Variants in KCNH5 observed in about 807,000 individuals in gnomAD.
KCNH5 encodes voltage-gated delayed rectifier potassium channel KCNH5.
Under a neutral mutation model 96.1 loss-of-function variants are expected in KCNH5, and 46 were observed. The ratio of observed to expected loss-of-function variants is 0.48; its 90% CI spans 0.38 to 0.61. The LOEUF (loss-of-function observed/expected upper bound fraction) is 0.61. Among genes scored for constraint, KCNH5 ranks in the 20% least tolerant of loss-of-function variants. The pLI, the probability that KCNH5 is intolerant of heterozygous loss-of-function variation, is 0.00. For synonymous variants in KCNH5, 439 were observed against 449.8 expected, an observed-to-expected ratio of 0.98 and a Z score of 0.30; for missense variants, 907 against 1,225.8, an observed-to-expected ratio of 0.74 and a Z score of 3.88.
intron 4 of KCNH5, among the ~76,000 whole-genome samples, chr14:62,992,618 A>T (rs1310170895): frequency 6.6e-6 from 1 of 151,940 alleles, no homozygotes; most frequent in Non-Finnish European, 1.5e-5. Flanking sequence ...ATTTGTATGT[A>T]TTCTTTTGAA....
At chr14:63,036,322 G>T (rs145085942) in intron 1 of KCNH5, among the ~76,000 whole-genome samples, 31 of 152,192 alleles carry the variant, frequency 2.0e-4, no homozygotes, top group African/African-American at 6.7e-4. Flanking sequence ...TAGTAAATGG[G>T]CATGAATTAA....
At chr14:62,830,546 C>T (rs1887323223) in intron 8 of KCNH5, among the ~76,000 whole-genome samples, 2 of 152,088 alleles carry the variant, frequency 1.3e-5, no homozygotes, top group Admixed American at 1.3e-4. Context: ...AGTAAGCGAG[C>T]AAGAGGGGAA....
intron 8 of KCNH5, among the ~76,000 whole-genome samples, chr14:62,822,319 C>T (rs1024210992): frequency 5.3e-5 from 8 of 151,878 alleles, no homozygotes; most frequent in African/African-American, 1.9e-4. Flanking sequence ...GACCTAAGAC[C>T]ACTGAAAAAC....
chr14:62,758,701 T>G (rs1489852039), intron 10 of KCNH5, among the ~76,000 whole-genome samples: 1 of 152,160 alleles, frequency 6.6e-6, no homozygotes. Flanking sequence ...TAACTGTCAG[T>G]GCATGGGGAT....
At chr14:63,004,499 A>C (rs939292509) in intron 3 of KCNH5, among the ~76,000 whole-genome samples, 2 of 152,254 alleles carry the variant, frequency 1.3e-5, no homozygotes, top group African/African-American at 4.8e-5. Flanking sequence ...ATCCATTAAC[A>C]TAAGGCAAAA....
At chr14:62,737,644 A>T (rs1885186907) in intron 10 of KCNH5, among the ~76,000 whole-genome samples, 1 of 152,180 alleles carries the variant, frequency 6.6e-6, no homozygotes. Context: ...AATGAAAGTG[A>T]TTCTGTATAT....
At position 62,819,219 on chromosome 14, in the gene KCNH5, A is replaced by T. The variant is rs140966452; in HGVS notation, c.1570-16638T>A. On this transcript the variant is annotated intron_variant, in intron 8 of 10. Transcript: ENST00000322893. The stretch of plus-strand genomic sequence containing the variant: ...CCTGATCTCGTGATCCGCCCACCTC[A>T]GCCTCCCAAAGTGCTGGGATTACAG... Among the ~76,000 whole-genome samples, 1,437 of 152,192 alleles carry T rather than the reference A, an allele frequency of 9.4e-3. 9 individuals carry two copies. Among genetic ancestry groups the T allele is most frequent in the Non-Finnish European group, 0.014 (935 of 67,986 alleles).
chr14:62,779,308 G>A (rs1406808590), intron 10 of KCNH5, among the ~76,000 whole-genome samples: 1 of 152,140 alleles, frequency 6.6e-6, no homozygotes, highest in Non-Finnish European at 1.5e-5. Flanking sequence ...AATTGATTAC[G>A]AAATGAGAAG....
intron 7 of KCNH5, among the ~76,000 whole-genome samples, chr14:62,878,966 G>A (rs537696880): frequency 6.6e-6 from 1 of 152,170 alleles, no homozygotes; most frequent in East Asian, 1.9e-4. Flanking sequence ...TGAAGATGCT[G>A]TCTCCAAACA....
chr14:62,990,871 A>G (rs559636724), intron 4 of KCNH5, among the ~76,000 whole-genome samples: 1 of 152,160 alleles, frequency 6.6e-6, no homozygotes, highest in African/African-American at 2.4e-5. Context: ...CCTTCTTCAC[A>G]TGGTGGCAGG....
intron 7 of KCNH5, among the ~76,000 whole-genome samples, chr14:62,901,082 C>G (rs1277095867): frequency 6.6e-6 from 1 of 152,112 alleles, no homozygotes; most frequent in African/African-American, 2.4e-5. Flanking sequence ...TCCGCCTCCC[C>G]GGTTCAAGCA....
chr14:62,977,442 G>C (rs1890523588), intron 6 of KCNH5, among the ~76,000 whole-genome samples: 1 of 152,006 alleles, frequency 6.6e-6, no homozygotes, highest in South Asian at 2.1e-4. Flanking sequence ...GTGAGAATGA[G>C]GTGATGAAAA....
intron 6 of KCNH5, among the ~76,000 whole-genome samples, chr14:62,969,940 T>C (rs1890372710): frequency 7.1e-6 from 1 of 141,552 alleles, no homozygotes; most frequent in Non-Finnish European, 1.5e-5. Context: ...CATGCGCCTG[T>C]AGCATGAGAA....
chr14:63,007,991 T>G (rs1891157905), intron 2 of KCNH5, among the ~76,000 whole-genome samples: 1 of 152,156 alleles, frequency 6.6e-6, no homozygotes, highest in Non-Finnish European at 1.5e-5. Flanking sequence ...TCTCAATGCT[T>G]TCAAATCATC....
intron 10 of KCNH5, among the ~76,000 whole-genome samples, chr14:62,733,163 T>A (rs927623883): frequency 1.3e-5 from 2 of 152,186 alleles, no homozygotes; most frequent in Non-Finnish European, 2.9e-5. Flanking sequence ...CCCAGTCTGA[T>A]ACAATTATCT....
intron 8 of KCNH5, among the ~76,000 whole-genome samples, chr14:62,815,324 G>A (rs1886955745): frequency 6.6e-6 from 1 of 152,054 alleles, no homozygotes; most frequent in African/African-American, 2.4e-5. Flanking sequence ...TAGACTTCTG[G>A]GGTTCTGATA....
chr14:62,910,776 G>A (rs11846438), intron 7 of KCNH5, among the ~76,000 whole-genome samples: 51,011 of 151,764 alleles, frequency 0.34, 9,684 homozygotes, highest in South Asian at 0.61. Flanking sequence ...GTTTTGCACC[G>A]GTGTTCCCTC....
At chr14:62,972,460 G>C (rs1956664) in intron 6 of KCNH5, among the ~76,000 whole-genome samples, 28,913 of 152,166 alleles carry the variant, frequency 0.19, 3,088 homozygotes, top group Non-Finnish European at 0.25. Flanking sequence ...TCTTACAAAA[G>C]TAAACATAGT....
chr14:62,944,495 A>C (rs948304984), intron 7 of KCNH5, among the ~76,000 whole-genome samples: 1 of 152,068 alleles, frequency 6.6e-6, no homozygotes, highest in African/African-American at 2.4e-5. Flanking sequence ...TCCCCACCAC[A>C]CATACACACA....
Sources: allele counts gnomAD v4.1 joint callset (sites outside exome capture counted in the v4.1 genomes callset), GRCh38; gene constraint gnomAD v4.1.1; transcripts MANE v1.5; gene names NCBI Gene and HGNC (gene_info 2026-07-23, HGNC 2026-07-21).